The following AGPAT3 variants were observed in gnomAD, a reference collection of about 807,000 sequenced individuals.
AGPAT3 encodes 1-acylglycerol-3-phosphate O-acyltransferase 3, also known as 1-acyl-sn-glycerol-3-phosphate acyltransferase gamma.
AGPAT3 carries 5 observed loss-of-function variants against 47.3 expected under a neutral mutation model. The ratio of observed to expected loss-of-function variants is 0.11; its 90% CI spans 0.06 to 0.22. The LOEUF (loss-of-function observed/expected upper bound fraction) is 0.22, where lower values mean the gene tolerates loss of function less well. Ranked by LOEUF, AGPAT3 falls within the 10% of genes least tolerant of loss-of-function variation. AGPAT3 has a pLI of 1.00. For synonymous variants in AGPAT3, 212 were observed against 208.3 expected, an observed-to-expected ratio of 1.02 and a Z score of -0.15; for missense variants, 315 against 493.0, an observed-to-expected ratio of 0.64 and a Z score of 3.42.
rs1058662 is a variant in AGPAT3 at position 43,986,593 on chromosome 21, A to G, written c.*4201A>G. The G allele has an allele frequency of 6.5e-6, 1 of 152,686 alleles. No homozygotes were observed. Among genetic ancestry groups the G allele is most frequent in the Non-Finnish European group, 1.5e-5 (1 of 68,052 alleles). 9.5% of individuals were successfully genotyped at this position (152,686 alleles called of 1,614,324 possible). ...CTCAGAATTGTACGTTGTGACAATC[A>G]AATGTTACTTGCCTAAATGCCAGGA... On this transcript the variant is annotated 3_prime_UTR_variant, in exon 10 of 10. Coordinates refer to ENST00000291572, the MANE Select transcript of AGPAT3 (RefSeq NM_020132.5).
Position 43,980,886 on chromosome 21 carries a change from T to C in AGPAT3, c.844-103T>C. The C allele has an allele frequency of 2.6e-6, 3 of 1,172,920 alleles. No homozygotes were observed. In the East Asian group the frequency reaches 7.1e-5, roughly 28 times the overall value. 72.7% of individuals were successfully genotyped at this position (1,172,920 alleles called of 1,614,324 possible). A position where few individuals can be genotyped will look rare whatever the true frequency, so the allele number is the denominator to read the frequency against. On this transcript the variant is annotated intron_variant, in intron 8 of 9. Coordinates refer to ENST00000291572, the MANE Select transcript of AGPAT3 (RefSeq NM_020132.5). ...GTGCTCTTAATTGACGTGGCGCTTT[T>C]TTTAGGTTGAGTCGTTTTTCATTGC... is the stretch of plus-strand genomic sequence containing the variant.
chr21:43,953,680 T>G (rs1207776525), intron 2 of AGPAT3, among the ~76,000 whole-genome samples: 1 of 152,200 alleles, frequency 6.6e-6, no homozygotes, highest in African/African-American at 2.4e-5. Flanking sequence ...GCTTTTTTTG[T>G]GGGGTTTGAA....
At chr21:43,919,216 C>A (rs769451236) in intron 2 of AGPAT3, among the ~76,000 whole-genome samples, 1 of 152,122 alleles carries the variant, frequency 6.6e-6, no homozygotes, top group East Asian at 1.9e-4. Flanking sequence ...TTTGGTTATG[C>A]GGACAGGTTC....
chr21:43,985,491 T>A lies in AGPAT3; in HGVS notation c.*3099T>A. On this transcript the variant is annotated 3_prime_UTR_variant, in exon 10 of 10. Coordinates refer to ENST00000291572, the MANE Select transcript of AGPAT3 (RefSeq NM_020132.5). Reference sequence around the variant, plus strand: ...TTTCGCGCACCGTGGCATGAGAATCTTTCCTCACGCTGTTCGTTGCGGTAT... The same window carrying A: ...TTTCGCGCACCGTGGCATGAGAATCATTCCTCACGCTGTTCGTTGCGGTAT... The A allele has an allele frequency of 3.1e-6, 1 of 319,882 alleles. No individual in the cohort carries two copies. Among genetic ancestry groups the A allele is most frequent in the Non-Finnish European group, 6.1e-6 (1 of 164,280 alleles). 19.8% of individuals were successfully genotyped at this position (319,882 alleles called of 1,614,324 possible). A position where few individuals can be genotyped will look rare whatever the true frequency, so the allele number is the denominator to read the frequency against.
chr21:43,974,408 AATTAT>A (rs1191879049), intron 7 of AGPAT3, among the ~76,000 whole-genome samples: 4 of 143,328 alleles, frequency 2.8e-5, no homozygotes, highest in African/African-American at 5.2e-5. Context: ...GGTGTGTGTA[AATTAT>A]ATTTGTGGTG....
In AGPAT3 at chr21:43,955,156, G is replaced by A; in HGVS notation, c.-48-4478G>A. The A allele has an allele frequency of 1.6e-6, 2 of 1,277,362 alleles. No individual in the cohort carries two copies. The highest frequency in any genetic ancestry group is 2.0e-6 in the Non-Finnish European group (2 of 981,328). The allele number at this position is 1,277,362 out of a possible 1,614,324, so 79.1% of individuals were successfully genotyped here. A position where few individuals can be genotyped will look rare whatever the true frequency, so the allele number is the denominator to read the frequency against. ...CAGCAGCCACGGATGCGCCCTGGGT[G>A]CTGTCCCGGGGCCGTCTCAGAAGCA... On this transcript the variant is annotated intron_variant, in intron 2 of 9. Transcript: ENST00000291572. The surrounding 1 kb of genome is among the most constrained non-coding windows in gnomAD (Gnocchi z 4.1).
At chr21:43,967,690 G>A (rs1022611220) in intron 3 of AGPAT3, 10 of 461,254 alleles carry the variant, frequency 2.2e-5, no homozygotes, top group African/African-American at 3.9e-5. Context: ...GTAATTGGGC[G>A]TAAAGATCAG....
chr21:43,895,111 A>T (rs570102628), intron 1 of AGPAT3, among the ~76,000 whole-genome samples: 2,387 of 145,366 alleles, frequency 0.016, 52 homozygotes, highest in African/African-American at 0.051. Context: ...TTATTTATTT[A>T]TTTTTTTTTT....
At chr21:43,936,882 C>T (rs1195301242) in intron 2 of AGPAT3, among the ~76,000 whole-genome samples, 2 of 152,212 alleles carry the variant, frequency 1.3e-5, no homozygotes, top group Non-Finnish European at 2.9e-5. Flanking sequence ...TTTCCTTGCC[C>T]TAAAATTTGT....
chr21:43,975,883 C>T (rs1381054480), intron 7 of AGPAT3, among the ~76,000 whole-genome samples: 2 of 152,124 alleles, frequency 1.3e-5, no homozygotes, highest in African/African-American at 2.4e-5. Flanking sequence ...AAGTGATTCT[C>T]TGACGGCCGT....
intron 3 of AGPAT3, 197 bp from the exon 4 acceptor site, chr21:43,967,749 A>G (rs1442039902): frequency 1.9e-5 from 11 of 573,494 alleles, no homozygotes; most frequent in Admixed American, 6.4e-5. Context: ...GCTACCTTCC[A>G]TCTGTCTCCT....
chr21:43,964,686 C>A (rs1331011861), intron 3 of AGPAT3, among the ~76,000 whole-genome samples: 1 of 152,154 alleles, frequency 6.6e-6, no homozygotes, highest in South Asian at 2.1e-4. Flanking sequence ...TTCCCAGATA[C>A]TTGGGATGAC....
At chr21:43,875,774 A>G (rs2085720393) in intron 1 of AGPAT3, among the ~76,000 whole-genome samples, 1 of 152,064 alleles carries the variant, frequency 6.6e-6, no homozygotes, top group African/African-American at 2.4e-5. Flanking sequence ...TGCCCGGCTA[A>G]TTTTTGTATT....
intron 2 of AGPAT3, among the ~76,000 whole-genome samples, chr21:43,911,077 A>T (rs1023646741): frequency 6.6e-5 from 10 of 152,320 alleles, no homozygotes; most frequent in African/African-American, 2.2e-4. Flanking sequence ...TAAAAAATAC[A>T]CATAAGAACA....
Position 43,987,357 on chromosome 21 carries a change from G to A in AGPAT3, c.*4965G>A, listed in dbSNP as rs1030966205. ...GGGAGGGGAAATTGAAAAGGAGAGCGGTCACCTGGCAAAAACACAGGGGAA... is the reference window on the plus strand; with the variant it reads ...GGGAGGGGAAATTGAAAAGGAGAGCAGTCACCTGGCAAAAACACAGGGGAA... On this transcript the variant is annotated 3_prime_UTR_variant, in exon 10 of 10. Coordinates refer to ENST00000291572, the MANE Select transcript of AGPAT3 (RefSeq NM_020132.5). 2.0e-5 allele frequency among the ~76,000 whole-genome samples: 3 copies of A among 152,122 alleles called. No individual in the cohort carries two copies. Among genetic ancestry groups the A allele is most frequent in the Admixed American group, 6.5e-5 (1 of 15,276 alleles).
chr21:43,905,268 C>A (rs977992247), intron 2 of AGPAT3, among the ~76,000 whole-genome samples: 1 of 152,010 alleles, frequency 6.6e-6, no homozygotes, highest in Admixed American at 6.6e-5. Context: ...CGGCTCACTG[C>A]AACCTCCACT....
intron 3 of AGPAT3, among the ~76,000 whole-genome samples, chr21:43,961,537 T>G (rs930095030): frequency 0.048 from 4,103 of 85,650 alleles, 71 homozygotes; most frequent in South Asian, 0.074. Flanking sequence ...TGAGCGCGTA[T>G]ACACTTTGTC....
chr21:43,936,129 G>A (rs549376852), intron 2 of AGPAT3, among the ~76,000 whole-genome samples: 1 of 152,230 alleles, frequency 6.6e-6, no homozygotes, highest in South Asian at 2.1e-4. Context: ...ACTTCAAAGA[G>A]GGGGAGCCAA....
intron 2 of AGPAT3, among the ~76,000 whole-genome samples, chr21:43,949,630 T>C (rs1018003083): frequency 7.2e-5 from 11 of 152,230 alleles, no homozygotes; most frequent in African/African-American, 2.7e-4. Flanking sequence ...AGCTGCACGT[T>C]ACTAAGGGCA....
Sources: gnomAD v4.1 joint callset for allele counts (sites outside exome capture counted in the v4.1 genomes callset) on GRCh38, gnomAD v4.1.1 for gene constraint, Gnocchi (gnomAD v3.1) non-coding constraint, MANE v1.5 for transcripts, NCBI Gene and HGNC (gene_info 2026-07-23, HGNC 2026-07-21) for gene names.